KCNH7: variants seen among roughly 807,000 people sequenced by gnomAD.
KCNH7 encodes the protein potassium voltage-gated channel subfamily H member 7, also known as voltage-gated inwardly rectifying potassium channel KCNH7.
KCNH7 carries 49 observed loss-of-function variants against 120.8 expected under a neutral mutation model. The observed-to-expected ratio is 0.41, with a 90% CI of 0.32 to 0.51. The LOEUF is 0.51. Ranked by LOEUF, KCNH7 falls within the 20% of genes least tolerant of loss-of-function variation. The pLI is 0.38. For missense variants in KCNH7, 1,097 were observed against 1,446.6 expected, an observed-to-expected ratio of 0.76 and a Z score of 3.92; for synonymous variants, 547 against 516.1, an observed-to-expected ratio of 1.06 and a Z score of -0.81.
At chr2:162,764,236 A>G (rs539499662) in intron 2 of KCNH7, among the ~76,000 whole-genome samples, 1 of 152,234 alleles carries the variant, frequency 6.6e-6, no homozygotes, top group Admixed American at 6.5e-5. Context: ...TGAAAGTTTC[A>G]TTTTATAAAA....
intron 2 of KCNH7, among the ~76,000 whole-genome samples, chr2:162,769,469 A>T (rs974643325): frequency 6.6e-6 from 1 of 152,136 alleles, no homozygotes; most frequent in African/African-American, 2.4e-5. Flanking sequence ...AATAATATTC[A>T]CTGAATTTAC....
chr2:162,779,260 G>A (rs959596917), intron 2 of KCNH7, among the ~76,000 whole-genome samples: 1 of 151,966 alleles, frequency 6.6e-6, no homozygotes. Context: ...GAGTACAGTG[G>A]CGTAATCTCG....
chr2:162,536,845 A>G (rs1574075507), intron 3 of KCNH7, 80 bp downstream of exon 3: 2 of 1,214,360 alleles, frequency 1.6e-6, no homozygotes, highest in East Asian at 4.7e-5. Context: ...TTGAGAACTG[A>G]ATTGAAATGA....
At position 162,374,153 on chromosome 2, in the gene KCNH7, A is replaced by G. The variant is rs189378291; in HGVS notation, c.3132-491T>C. The stretch of plus-strand genomic sequence containing the variant: ...TTAACCTTACCTCTGTCCTATTCAT[A>G]TTAAGTATTGTATATTATTCATTGT... On this transcript the variant is annotated intron_variant, in intron 14 of 15. Transcript: ENST00000332142. Among the ~76,000 whole-genome samples, 3 of 152,292 alleles carry G rather than the reference A, an allele frequency of 2.0e-5. No individual in the cohort carries two copies. In the East Asian group the frequency reaches 5.8e-4, roughly 29 times the overall value.
At chr2:162,571,882 T>C (rs950000783) in intron 2 of KCNH7, among the ~76,000 whole-genome samples, 33 of 151,876 alleles carry the variant, frequency 2.2e-4, no homozygotes, top group Non-Finnish European at 4.6e-4. Context: ...TTACACCTTA[T>C]ACAAAAATCA....
chr2:162,772,864 A>G (rs1360966630), intron 2 of KCNH7, among the ~76,000 whole-genome samples: 2 of 152,226 alleles, frequency 1.3e-5, no homozygotes, highest in Non-Finnish European at 2.9e-5. Flanking sequence ...AGCGGAGGAA[A>G]TAGACATATA....
chr2:162,377,761 A>G lies in KCNH7; in HGVS notation c.3131+2092T>C, dbSNP rs76727135. ...TAACAACTCCATTTTGATTTTGACTACTTTCACAGCAGCAATTCAAAACAT... is the reference window on the plus strand; with the variant it reads ...TAACAACTCCATTTTGATTTTGACTGCTTTCACAGCAGCAATTCAAAACAT... On this transcript the variant is annotated intron_variant, in intron 14 of 15. Coordinates refer to ENST00000332142, the MANE Select transcript of KCNH7 (RefSeq NM_033272.4). 5.0e-3 allele frequency among the ~76,000 whole-genome samples: 759 copies of G among 152,248 alleles called. 7 individuals carry two copies. The highest frequency in any genetic ancestry group is 0.017 in the African/African-American group (725 of 41,534).
At chr2:162,595,743 A>T (rs1384072177) in intron 2 of KCNH7, among the ~76,000 whole-genome samples, 1 of 152,032 alleles carries the variant, frequency 6.6e-6, no homozygotes, top group Non-Finnish European at 1.5e-5. Context: ...AAAGAAATAC[A>T]AGGCATCCAA....
intron 2 of KCNH7, among the ~76,000 whole-genome samples, chr2:162,823,923 T>G (rs569788674): frequency 6.6e-6 from 1 of 150,912 alleles, no homozygotes; most frequent in Non-Finnish European, 1.5e-5. Flanking sequence ...ATATAAGAAG[T>G]ACCTATGAAA....
At chr2:162,571,180 T>G (rs1693460413) in intron 2 of KCNH7, among the ~76,000 whole-genome samples, 1 of 151,988 alleles carries the variant, frequency 6.6e-6, no homozygotes, top group African/African-American at 2.4e-5. Flanking sequence ...CTAAAGCTGA[T>G]AAGCAACTTC....
intron 15 of KCNH7, 73 bp from the exon 16 acceptor site, chr2:162,372,168 AAACTT>A: frequency 1.7e-6 from 2 of 1,206,306 alleles, no homozygotes; most frequent in Admixed American, 2.3e-5. Flanking sequence ...ACACTAATAA[AAACTT>A]AAGCATTTTC....
chr2:162,592,066 G>A (rs932708847), intron 2 of KCNH7, among the ~76,000 whole-genome samples: 18 of 152,006 alleles, frequency 1.2e-4, no homozygotes, highest in Non-Finnish European at 5.9e-5. Flanking sequence ...AAGCGAGAAG[G>A]GGAGGCAGTC....
intron 5 of KCNH7, among the ~76,000 whole-genome samples, chr2:162,510,208 G>A (rs1271918026): frequency 6.6e-6 from 1 of 151,522 alleles, no homozygotes; most frequent in African/African-American, 2.4e-5. Context: ...TGAAATGTTA[G>A]CTTAAGGAAT....
chr2:162,538,307 G>A (rs1308736899), intron 2 of KCNH7, among the ~76,000 whole-genome samples: 1 of 151,974 alleles, frequency 6.6e-6, no homozygotes, highest in East Asian at 1.9e-4. Flanking sequence ...CTTCCAATGT[G>A]GCCCAGGGAA....
chr2:162,768,385 A>C (rs1374081634), intron 2 of KCNH7, among the ~76,000 whole-genome samples: 1 of 152,108 alleles, frequency 6.6e-6, no homozygotes, highest in Non-Finnish European at 1.5e-5. Flanking sequence ...GGAGGGAAAA[A>C]ACCCAACAGC....
Position 162,663,265 on chromosome 2 carries a change from C to T in KCNH7, c.308-126185G>A, listed in dbSNP as rs577396325. 1.3e-3 allele frequency among the ~76,000 whole-genome samples: 193 copies of T among 152,270 alleles called. 1 individual carries two copies. The highest frequency in any genetic ancestry group is 3.4e-3 in the Middle Eastern group (1 of 294). ...AATATGCATTTTAAGACACTGTATC[C>T]TGTAATATTAATTTCAATACTCACA... On this transcript the variant is annotated intron_variant, in intron 2 of 15. Transcript: ENST00000332142.
chr2:162,736,145 C>T (rs1259070304), intron 2 of KCNH7, among the ~76,000 whole-genome samples: 1 of 152,158 alleles, frequency 6.6e-6, no homozygotes, highest in Admixed American at 6.6e-5. Flanking sequence ...GTCTTTCTCC[C>T]TGAGTCCACT....
chr2:162,747,440 C>A (rs1418127826), intron 2 of KCNH7, among the ~76,000 whole-genome samples: 3 of 152,094 alleles, frequency 2.0e-5, no homozygotes, highest in African/African-American at 7.2e-5. Flanking sequence ...ATATTCTATA[C>A]TTTTACTACT....
At chr2:162,770,912 T>C (rs1489896097) in intron 2 of KCNH7, among the ~76,000 whole-genome samples, 1 of 152,144 alleles carries the variant, frequency 6.6e-6, no homozygotes, top group Non-Finnish European at 1.5e-5. Context: ...TGTCATACTT[T>C]TGGTAAAGGC....
Sources: gnomAD v4.1 joint callset for allele counts (sites outside exome capture counted in the v4.1 genomes callset) on GRCh38, gnomAD v4.1.1 for gene constraint, MANE v1.5 for transcripts, NCBI Gene and HGNC (gene_info 2026-07-23, HGNC 2026-07-21) for gene names.